Variants in SCNN1D observed in about 807,000 individuals in gnomAD.
The protein encoded by SCNN1D is epithelial sodium channel subunit delta.
In SCNN1D, 104 loss-of-function variants were observed where a neutral mutation model predicts 87.8. That is an observed-to-expected ratio of 1.18 (90% CI 1.01 to 1.39). SCNN1D has a LOEUF of 1.39. Ranked by LOEUF, SCNN1D falls within the 40% of genes most tolerant of loss-of-function variation. SCNN1D has a pLI of 0.00. For synonymous variants in SCNN1D, 628 were observed against 481.2 expected (o/e 1.31, Z -3.99); for missense variants, 1,324 against 1,093.9 (o/e 1.21, Z -2.97).
At position 1,285,427 on chromosome 1, in the gene SCNN1D, G is replaced by C. The variant is rs1640567463; in HGVS notation, c.465-144G>C. ...AGACGCTTCCTGGACTTGGCTGGAT[G>C]GGCCTGGCACAGTCGGTCCTCAGCA... On this transcript the variant is annotated intron_variant, in intron 5 of 17. Coordinates refer to ENST00000379116, the MANE Select transcript of SCNN1D (RefSeq NM_001130413.4). 5 of 566,740 alleles carry C rather than the reference G, an allele frequency of 8.8e-6. No individual in the cohort carries two copies. The South Asian group carries it at 1.3e-4, about 14-fold the overall frequency. The allele number at this position is 566,740 out of a possible 1,614,324, so 35.1% of individuals were successfully genotyped here. A position where few individuals can be genotyped will look rare whatever the true frequency, so the allele number is the denominator to read the frequency against.
At position 1,291,529 on chromosome 1, in the gene SCNN1D, G is replaced by A. The variant is rs773771767; in HGVS notation, c.2328G>A (p.Val776=). Residue 776 remains valine, a synonymous_variant, in exon 18 of 18, where the codon GTG becomes GTA. Coordinates refer to ENST00000379116, the MANE Select transcript of SCNN1D (RefSeq NM_001130413.4). ...PEPSGPHLPR[V]MLPGVLAGVS... is the part of the protein sequence containing the mutation. ...CCAGCGGGCCTCATCTCCCACGGGT[G>A]ATGCTTCCAGGGGTTCTGGCGGGAG... is the stretch of plus-strand genomic sequence containing the variant. 6.2e-7 allele frequency: 1 copy of A among 1,605,854 alleles called. No individual in the cohort carries two copies.
At chr1:1,283,524 C>T (rs1352613313) in intron 4 of SCNN1D, among the ~76,000 whole-genome samples, 1 of 152,092 alleles carries the variant, frequency 6.6e-6, no homozygotes, top group Non-Finnish European at 1.5e-5. Flanking sequence ...CATGGAGAAA[C>T]CCCATCTCTA....
chr1:1,286,786 C>A lies in SCNN1D; in HGVS notation c.930C>A (p.Arg310=). The A allele has an allele frequency of 6.2e-7, 1 of 1,612,686 alleles. No homozygotes were observed. The highest frequency in any genetic ancestry group is 8.5e-7 in the Non-Finnish European group (1 of 1,179,910). ...GTCCCAGGCCGAGTCCGGTCCTCCG[C>A]CATCTGGAGCTGCTGGACGAGTTTG... ...GNPRRPSPVL[R]HLELLDEFAR... is the part of the protein sequence containing the mutation. The change falls in exon 8 of 18, where the codon CGC becomes CGA. Residue 310 remains arginine, a synonymous_variant. Coordinates refer to ENST00000379116, the MANE Select transcript of SCNN1D (RefSeq NM_001130413.4).
rs748961347 is a variant in SCNN1D, at chr1:1,290,261, CT to C, written c.1663-9del. On this transcript the variant is annotated splice_polypyrimidine_tract_variant and intron_variant, in intron 12 of 17. Coordinates refer to ENST00000379116, the MANE Select transcript of SCNN1D (RefSeq NM_001130413.4). Reference sequence around the variant, plus strand: ...CATCCCATGTCCCTGCTCATCCCCCCTGTCCCCAGGCCTGCCTGGTGTCCTG... The same window carrying C: ...CATCCCATGTCCCTGCTCATCCCCCCGTCCCCAGGCCTGCCTGGTGTCCTG... The C allele has an allele frequency of 5.2e-6, 7 of 1,351,330 alleles. No individual in the cohort carries two copies. The East Asian group carries it at 1.6e-4, about 30-fold the overall frequency. The allele number at this position is 1,351,330 out of a possible 1,614,324, so 83.7% of individuals were successfully genotyped here.
Position 1,287,791 on chromosome 1 carries a change from C to T in SCNN1D, c.1518C>T (p.Ser506=), listed in dbSNP as rs1378355792. ...RNHTPFLGHH[S]FSVRPGTEAT... is the part of the protein sequence containing the mutation. ...ACACGCCCTTCCTGGGGCACCACAG[C>T]TTCAGCGTCCGGCCAGGGACGGAGG... is the stretch of plus-strand genomic sequence containing the variant. Residue 506 remains serine (S), a synonymous_variant, in exon 11 of 18, where the codon AGC becomes AGT. Coordinates refer to ENST00000379116, the MANE Select transcript of SCNN1D (RefSeq NM_001130413.4). The T allele has an allele frequency of 1.3e-6, 2 of 1,587,724 alleles. No individual in the cohort carries two copies. The highest frequency in any genetic ancestry group is 1.7e-6 in the Non-Finnish European group (2 of 1,167,530).
chr1:1,290,763 A>G, intron 15 of SCNN1D, 69 bp downstream of exon 15: 8 of 1,596,260 alleles, frequency 5.0e-6, no homozygotes, highest in Non-Finnish European at 6.9e-6. Flanking sequence ...CACAGAGCCC[A>G]CCCAAGACAA....
At chr1:1,290,776 G>C (rs1557587537) in intron 15 of SCNN1D, 82 bp downstream of exon 15, 1 of 1,590,372 alleles carries the variant, frequency 6.3e-7, no homozygotes, top group South Asian at 1.1e-5. Context: ...CAAGACAAGG[G>C]CAGGGCCGGA....
At chr1:1,288,333 GTC>G (rs1253534984) in intron 12 of SCNN1D, among the ~76,000 whole-genome samples, 1 of 78,950 alleles carries the variant, frequency 1.3e-5, no homozygotes, top group Non-Finnish European at 2.0e-5. Flanking sequence ...TCCGTCCCGT[GTC>G]TCTGCCCCGT....
chr1:1,281,566 A>G lies in SCNN1D; in HGVS notation c.233A>G (p.Tyr78Cys). Residue 78 changes from tyrosine (Y) to cysteine (C), a missense_variant, in exon 3 of 18, where the codon TAC (tyrosine) becomes TGC (cysteine). By Grantham distance (194) the Tyr-to-Cys change is radical (BLOSUM62 -2). Coordinates refer to ENST00000379116, the MANE Select transcript of SCNN1D (RefSeq NM_001130413.4). ...AGTGCTGGACATGTGCTCTGTGGCT[A>G]CCCCCTCTGCCTACTCTCTGGCCCG... ...FTSAGHVLCG[Y>C]PLCLLSGPIQ... The G allele has an allele frequency of 1.3e-6, 2 of 1,535,394 alleles. No individual in the cohort carries two copies. The highest frequency in any genetic ancestry group is 1.7e-6 in the Non-Finnish European group (2 of 1,146,700).
intron 12 of SCNN1D, among the ~76,000 whole-genome samples, chr1:1,288,511 T>TCC (rs1553160082): frequency 3.1e-4 from 27 of 86,350 alleles, no homozygotes; most frequent in East Asian, 1.2e-3. Flanking sequence ...CTCTGCCCCG[T>TCC]CCCGTGTCCC....
At position 1,287,305 on chromosome 1, in the gene SCNN1D, T is replaced by A; in HGVS notation, c.1310+6T>A. The A allele has an allele frequency of 3.2e-6, 5 of 1,574,970 alleles. No homozygotes were observed. Among genetic ancestry groups the A allele is most frequent in the Non-Finnish European group, 4.3e-6 (5 of 1,157,830 alleles). Reference sequence around the variant, plus strand: ...GGCCTGGACTGCCAGGCCCGGTGAGTGTGGCGGGCGGGGGCCACTCCTTCC... The same window carrying A: ...GGCCTGGACTGCCAGGCCCGGTGAGAGTGGCGGGCGGGGGCCACTCCTTCC... On this transcript the variant is annotated splice_donor_region_variant and intron_variant, in intron 9 of 17. Coordinates refer to ENST00000379116, the MANE Select transcript of SCNN1D (RefSeq NM_001130413.4).
chr1:1,281,752 G>A (rs1023637209), intron 3 of SCNN1D, 142 bp downstream of exon 3: 3 of 768,332 alleles, frequency 3.9e-6, no homozygotes, highest in Non-Finnish European at 6.1e-6. Context: ...TCTGCCCCCG[G>A]CCAGGGCTCC....
In SCNN1D at chr1:1,290,918, T is replaced by TG. The variant is rs1442470711; in HGVS notation, c.1942dup (p.Glu648GlyfsTer118). 2 of 1,609,820 alleles carry TG rather than the reference T, an allele frequency of 1.2e-6. No homozygotes were observed. Among genetic ancestry groups the TG allele is most frequent in the Non-Finnish European group, 1.7e-6 (2 of 1,178,832 alleles). On this transcript the variant is annotated frameshift_variant, in exon 16 of 18. Transcript: ENST00000379116. LOFTEE classifies it high-confidence loss of function. ...AGGGATGGACTCTGGCCACGCTAGGTGAACAGGGGCTGCCGCATCAGAGCC... is the reference window on the plus strand; with the variant it reads ...AGGGATGGACTCTGGCCACGCTAGGTGGAACAGGGGCTGCCGCATCAGAGCC...
Position 1,287,750 on chromosome 1 carries a change from G to T in SCNN1D, c.1477G>T (p.Val493Phe). 1 of 1,605,028 alleles carries T rather than the reference G, an allele frequency of 6.2e-7. No individual in the cohort carries two copies. The highest frequency in any genetic ancestry group is 1.1e-5 in the South Asian group (1 of 89,924). Residue 493 changes from valine to phenylalanine, a missense_variant, in exon 11 of 18, where the codon GTT becomes TTT. Coordinates refer to ENST00000379116, the MANE Select transcript of SCNN1D (RefSeq NM_001130413.4). ...CACGCTGGCCGGCATCAGGGTCATG[G>T]TTCACGGCCGTAACCACACGCCCTT... ...LSTLAGIRVM[V>F]HGRNHTPFLG...
chr1:1,286,300 G>A (rs753709453), intron 7 of SCNN1D, 22 bp downstream of exon 7: 16 of 1,527,512 alleles, frequency 1.0e-5, no homozygotes, highest in Middle Eastern at 1.7e-4. Context: ...GGCTGTCGGC[G>A]GGAGGGGTGG....
rs766568156 is a variant in SCNN1D, at chr1:1,290,446, G to A, written c.1781-31G>A. The A allele has an allele frequency of 1.2e-5, 20 of 1,611,826 alleles. 1 individual carries two copies. The highest frequency in any genetic ancestry group is 9.9e-5 in the South Asian group (9 of 91,050). ...GCCATTAGCCGGGGGGTCACAGCGA[G>A]CCTCACACATGCCTCTGACCCCTCC... On this transcript the variant is annotated intron_variant, in intron 13 of 17. Coordinates refer to ENST00000379116, the MANE Select transcript of SCNN1D (RefSeq NM_001130413.4).
intron 17 of SCNN1D, 47 bp downstream of exon 17, chr1:1,291,187 G>C: frequency 1.3e-6 from 2 of 1,594,206 alleles, no homozygotes; most frequent in Non-Finnish European, 1.7e-6. Context: ...CAGCGACAGT[G>C]GCTGGCCCTG....
Position 1,290,696 on chromosome 1 carries a change from T to C in SCNN1D, c.1917+2T>C, listed in dbSNP as rs377427081. 6.2e-7 allele frequency: 1 copy of C among 1,612,514 alleles called. No homozygotes were observed. Among genetic ancestry groups the C allele is most frequent in the Non-Finnish European group, 8.5e-7 (1 of 1,179,890 alleles). The stretch of plus-strand genomic sequence containing the variant: ...AGGTGGCCTTCCGCCAAGTCAGCTG[T>C]GAGTCCCCAAAGTGGTGGGGTGGGG... On this transcript the variant is annotated splice_donor_variant, in intron 15 of 17. Coordinates refer to ENST00000379116, the MANE Select transcript of SCNN1D (RefSeq NM_001130413.4). LOFTEE classifies it high-confidence loss of function.
chr1:1,286,887 G>C lies in SCNN1D; in HGVS notation c.1031G>C (p.Arg344Pro), dbSNP rs11260579. Reference sequence around the variant, plus strand: ...GCCGCCCTCTCCGCCACTGTCCCCCGCCACGAGCCCCCCTTCCACCTGGAC... The same window carrying C: ...GCCGCCCTCTCCGCCACTGTCCCCCCCCACGAGCCCCCCTTCCACCTGGAC... ...GRAALSATVPRHEPPFHLDRE... is the reference protein window; with the variant it reads ...GRAALSATVPPHEPPFHLDRE... The change falls in exon 8 of 18, where the codon CGC (arginine) becomes CCC (proline). Residue 344 changes from arginine (R) to proline (P), a missense_variant. Transcript: ENST00000379116. The C allele has an allele frequency of 0.074, 118,670 of 1,611,396 alleles. 19,445 individuals are homozygous for C. Among genetic ancestry groups the C allele is most frequent in the East Asian group, 0.61 (27,169 of 44,742 alleles).
Sources: allele counts gnomAD v4.1 joint callset (sites outside exome capture counted in the v4.1 genomes callset), GRCh38; gene constraint gnomAD v4.1.1; transcripts MANE v1.5; gene names NCBI Gene and HGNC (gene_info 2026-07-23, HGNC 2026-07-21).